TMEFF1: variants seen among roughly 807,000 people sequenced by gnomAD.
The protein encoded by TMEFF1 is tomoregulin-1.
Under a neutral mutation model 47.5 loss-of-function variants are expected in TMEFF1, and 20 were observed. The observed-to-expected ratio is 0.42, with a 90% CI of 0.30 to 0.61. The LOEUF (loss-of-function observed/expected upper bound fraction) is 0.61, where lower values mean the gene tolerates loss of function less well. Ranked by LOEUF, TMEFF1 falls within the 20% of genes least tolerant of loss-of-function variation. TMEFF1 has a pLI of 0.19. For missense variants in TMEFF1, 411 were observed against 471.1 expected (o/e 0.87, Z 1.18); for synonymous variants, 162 against 166.3 (o/e 0.97, Z 0.20).
intron 3 of TMEFF1, among the ~76,000 whole-genome samples, chr9:100,509,534 G>T (rs944925430): frequency 4.6e-5 from 7 of 152,182 alleles, no homozygotes; most frequent in African/African-American, 1.2e-4. Flanking sequence ...AGCACTTTGG[G>T]AGGCTGAGGC....
At position 100,530,733 on chromosome 9, in the gene TMEFF1, T is replaced by G. The variant is rs144463968; in HGVS notation, c.560+13962T>G. Among the ~76,000 whole-genome samples, 903 of 152,286 alleles carry G rather than the reference T, an allele frequency of 5.9e-3. 8 individuals carry two copies. Among genetic ancestry groups the G allele is most frequent in the African/African-American group, 0.02 (843 of 41,542 alleles). ...AAGAGGGAACCCTTCCTAACTCTTT[T>G]TATGAGGCCAGCATCATTCTGATAC... On this transcript the variant is annotated intron_variant, in intron 5 of 9. Transcript: ENST00000374879.
At chr9:100,560,637 C>T (rs1404744818) in intron 7 of TMEFF1, among the ~76,000 whole-genome samples, 1 of 152,076 alleles carries the variant, frequency 6.6e-6, no homozygotes, top group Admixed American at 6.6e-5. Context: ...CTTTCCTGAC[C>T]TGTTCCATCT....
chr9:100,485,865 G>A (rs530816279), intron 1 of TMEFF1, among the ~76,000 whole-genome samples: 1 of 152,140 alleles, frequency 6.6e-6, no homozygotes, highest in East Asian at 1.9e-4. Flanking sequence ...TAATTCCTTT[G>A]CTACTATTCA....
chr9:100,529,731 C>T (rs1346232873), intron 5 of TMEFF1, among the ~76,000 whole-genome samples: 2 of 152,234 alleles, frequency 1.3e-5, no homozygotes, highest in East Asian at 3.9e-4. Context: ...CTCAGCTCTG[C>T]ACCAAGCGGA....
intron 4 of TMEFF1, 21 bp from the exon 5 acceptor site, chr9:100,516,654 T>C: frequency 1.9e-6 from 3 of 1,605,564 alleles, no homozygotes; most frequent in Non-Finnish European, 2.5e-6. Flanking sequence ...GGTTGTAAAT[T>C]TGATTTTTCT....
At chr9:100,531,590 A>G (rs1251428975) in intron 5 of TMEFF1, among the ~76,000 whole-genome samples, 1 of 152,176 alleles carries the variant, frequency 6.6e-6, no homozygotes, top group Non-Finnish European at 1.5e-5. Flanking sequence ...ATAAAAGAGG[A>G]TACAAACAAA....
At chr9:100,510,886 C>A (rs1837951615) in intron 3 of TMEFF1, among the ~76,000 whole-genome samples, 1 of 152,176 alleles carries the variant, frequency 6.6e-6, no homozygotes, top group Non-Finnish European at 1.5e-5. Flanking sequence ...CCCTACTCTA[C>A]TCTTCATGAT....
intron 1 of TMEFF1, among the ~76,000 whole-genome samples, chr9:100,474,327 G>C (rs925362391): frequency 6.6e-6 from 1 of 152,078 alleles, no homozygotes; most frequent in African/African-American, 2.4e-5. Context: ...GTGACTGTGT[G>C]TGTGCGCGCG....
chr9:100,561,916 G>C (rs543907821), intron 8 of TMEFF1, among the ~76,000 whole-genome samples: 1 of 152,182 alleles, frequency 6.6e-6, no homozygotes, highest in African/African-American at 2.4e-5. Context: ...AAGGGGATGG[G>C]GACGAAGAAC....
chr9:100,544,499 A>T (rs1353315674), intron 5 of TMEFF1, among the ~76,000 whole-genome samples: 2 of 152,002 alleles, frequency 1.3e-5, no homozygotes, highest in African/African-American at 4.8e-5. Flanking sequence ...TAATTCAGTC[A>T]CCTCCTACCG....
chr9:100,560,385 G>A (rs2118544484), intron 7 of TMEFF1, among the ~76,000 whole-genome samples: 1 of 152,270 alleles, frequency 6.6e-6, no homozygotes, highest in South Asian at 2.1e-4. Context: ...AACTGTGTAA[G>A]ATAGAAATGG....
At chr9:100,573,381 T>C (rs1167204640) in intron 9 of TMEFF1, among the ~76,000 whole-genome samples, 1 of 152,208 alleles carries the variant, frequency 6.6e-6, no homozygotes, top group African/African-American at 2.4e-5. Context: ...AAATTATTCG[T>C]CATAAATTAA....
chr9:100,514,659 T>C (rs1838028934), intron 4 of TMEFF1, among the ~76,000 whole-genome samples: 1 of 143,360 alleles, frequency 7.0e-6, no homozygotes, highest in Admixed American at 7.3e-5. Context: ...GAAACCAGCC[T>C]GGGCAACATA....
At chr9:100,475,676 T>A (rs1837210128) in intron 1 of TMEFF1, among the ~76,000 whole-genome samples, 2 of 151,428 alleles carry the variant, frequency 1.3e-5, no homozygotes, top group Non-Finnish European at 2.9e-5. Context: ...AATAGAGGGA[T>A]GGATACCCTT....
chr9:100,498,722 A>G, intron 1 of TMEFF1, 43 bp from the exon 2 acceptor site: 8 of 1,603,298 alleles, frequency 5.0e-6, no homozygotes, highest in Non-Finnish European at 6.8e-6. Flanking sequence ...CACACGTAAT[A>G]AAAAGCCAAA....
chr9:100,491,497 C>T (rs1837551940), intron 1 of TMEFF1, among the ~76,000 whole-genome samples: 1 of 152,264 alleles, frequency 6.6e-6, no homozygotes, highest in Non-Finnish European at 1.5e-5. Context: ...CCTTAGGGAA[C>T]ATTAATTTAT....
At chr9:100,547,610 T>A in intron 5 of TMEFF1, 134 bp from the exon 6 acceptor site, 1 of 1,108,498 alleles carries the variant, frequency 9.0e-7, no homozygotes, top group Admixed American at 3.8e-5. Context: ...TTGCTTAAGC[T>A]TTCATCAGTG....
chr9:100,521,805 C>G (rs1587834674), intron 5 of TMEFF1, among the ~76,000 whole-genome samples: 1 of 152,210 alleles, frequency 6.6e-6, no homozygotes, highest in African/African-American at 2.4e-5. Context: ...CTGCAATGCA[C>G]TTTATGGAAA....
intron 1 of TMEFF1, among the ~76,000 whole-genome samples, chr9:100,477,267 G>A (rs1045897982): frequency 1.5e-4 from 23 of 152,154 alleles, no homozygotes; most frequent in Non-Finnish European, 3.2e-4. Context: ...ATGTTGTTAC[G>A]TTAGTCAACC....
Sources: gnomAD v4.1 joint callset for allele counts (sites outside exome capture counted in the v4.1 genomes callset) on GRCh38, gnomAD v4.1.1 for gene constraint, MANE v1.5 for transcripts, NCBI Gene and HGNC (gene_info 2026-07-23, HGNC 2026-07-21) for gene names.